The following NBAS variants were observed in gnomAD, a reference collection of about 807,000 sequenced individuals.
NBAS encodes NAG/BC035112 fusion.
In NBAS, 219 loss-of-function variants were observed where a neutral mutation model predicts 302.5. That is an observed-to-expected ratio of 0.72 (90% CI 0.65 to 0.81). NBAS has a LOEUF of 0.81. Ranked by LOEUF, NBAS falls within the 30% of genes least tolerant of loss-of-function variation. NBAS has a pLI of 0.00. For synonymous variants in NBAS, 1,118 were observed against 1,021.6 expected (o/e 1.09, Z -1.80); for missense variants, 2,932 against 2,841.6 (o/e 1.03, Z -0.72).
chr2:14,792,146 A>G, the NBAS span, among the ~76,000 whole-genome samples: 2 of 152,164 alleles, frequency 1.3e-5, no homozygotes, highest in African/African-American at 2.4e-5. Context: ...AAGAAAACCA[A>G]AATAACACTG....
chr2:14,885,078 A>G, the NBAS span, among the ~76,000 whole-genome samples: 4 of 152,222 alleles, frequency 2.6e-5, no homozygotes, highest in African/African-American at 9.6e-5. Flanking sequence ...TCCAAGTTCA[A>G]TGAGCAGTCA....
the NBAS span, among the ~76,000 whole-genome samples, chr2:15,099,458 GACCAGTGGGAGC>G: frequency 6.6e-6 from 1 of 151,830 alleles, no homozygotes; most frequent in African/African-American, 2.4e-5. Flanking sequence ...TAAGTATAGG[GACCAGTGGGAGC>G]ACAGAGGAAG....
chr2:15,404,707 T>A (rs942290269), intron 25 of NBAS, among the ~76,000 whole-genome samples: 49 of 152,026 alleles, frequency 3.2e-4, no homozygotes, highest in East Asian at 1.4e-3. Flanking sequence ...GAGATGGACT[T>A]TCACCATGTT....
rs1672105030 is a variant in NBAS, at chr2:15,327,080, G to C, written c.4582+670C>G. ...AAAGTAATAAGTAATAAAATAATAA[G>C]TGCAAGCTGTGGATAGGACTTTCAA... On this transcript the variant is annotated intron_variant, in intron 38 of 51. Transcript: ENST00000281513. Among the ~76,000 whole-genome samples the C allele has an allele frequency of 2.0e-5, 3 of 151,782 alleles. No homozygotes were observed. In the South Asian group the frequency reaches 6.3e-4, roughly 32 times the overall value.
downstream of NBAS, chr2:15,166,803 G>A: frequency 2.2e-6 from 1 of 457,772 alleles, no homozygotes; most frequent in Non-Finnish European, 3.8e-6. Flanking sequence ...AGAAAAGGCA[G>A]GTTGAAATAA....
intron 21 of NBAS, among the ~76,000 whole-genome samples, chr2:15,454,312 TAG>T (rs1275029748): frequency 6.6e-6 from 1 of 152,012 alleles, no homozygotes; most frequent in Admixed American, 6.6e-5. Context: ...TATGGAAAAA[TAG>T]AGTTTATTTC....
At chr2:15,124,352 A>C in the NBAS span, among the ~76,000 whole-genome samples, 1 of 152,196 alleles carries the variant, frequency 6.6e-6, no homozygotes. Flanking sequence ...CAGAGGAGGG[A>C]GCAAAAGAAT....
At chr2:14,840,960 A>G in the NBAS span, among the ~76,000 whole-genome samples, 1 of 152,042 alleles carries the variant, frequency 6.6e-6, no homozygotes, top group East Asian at 1.9e-4. Context: ...ACCAAAAACA[A>G]TATACCTCCA....
chr2:15,252,219 C>A (rs1352396415), intron 44 of NBAS, among the ~76,000 whole-genome samples: 1 of 152,164 alleles, frequency 6.6e-6, no homozygotes, highest in Admixed American at 6.5e-5. Flanking sequence ...GAACATAGCG[C>A]CGGGCACAGG....
chr2:15,087,849 C>G, the NBAS span, among the ~76,000 whole-genome samples: 18,621 of 152,244 alleles, frequency 0.12, 3,002 homozygotes, highest in African/African-American at 0.36. Context: ...AATATTTACT[C>G]AGCCTTTACT....
At chr2:15,205,359 C>T (rs569161859) in intron 48 of NBAS, among the ~76,000 whole-genome samples, 1 of 151,822 alleles carries the variant, frequency 6.6e-6, no homozygotes. Context: ...AAGACAACAA[C>T]ACAAAAGAAA....
intron 45 of NBAS, among the ~76,000 whole-genome samples, chr2:15,235,169 T>C (rs1252984257): frequency 1.3e-5 from 2 of 152,244 alleles, no homozygotes; most frequent in Non-Finnish European, 2.9e-5. Context: ...GCTATAACTA[T>C]GTAATCCCAG....
intron 33 of NBAS, among the ~76,000 whole-genome samples, 176 bp from the exon 34 acceptor site, chr2:15,353,886 G>A (rs144646943): frequency 2.5e-4 from 38 of 152,270 alleles, no homozygotes; most frequent in African/African-American, 7.9e-4. Context: ...GGAAAGATTA[G>A]GGTGGTTTAT....
chr2:15,044,438 T>C, the NBAS span, among the ~76,000 whole-genome samples: 1 of 152,230 alleles, frequency 6.6e-6, no homozygotes. Flanking sequence ...AACCTATTAA[T>C]GAGGTTTTTC....
At chr2:14,991,259 A>G in the NBAS span, among the ~76,000 whole-genome samples, 2 of 147,120 alleles carry the variant, frequency 1.4e-5, no homozygotes, top group Non-Finnish European at 3.0e-5. Flanking sequence ...GCAGGGAAAA[A>G]TAATTAAATT....
At position 15,167,120 on chromosome 2, in the gene NBAS, CAGA is replaced by C. The variant is rs1485416933; in HGVS notation, c.7041_7043del (p.Leu2348del). The stretch of plus-strand genomic sequence containing the variant: ...AGGCCTGGTGAGTCCCCCTCACGGC[CAGA>C]AGGAGAGACCCGGCTTCGGCTTCAT... On this transcript the variant is annotated inframe_deletion, in exon 52 of 52. Coordinates refer to ENST00000281513, the MANE Select transcript of NBAS (RefSeq NM_015909.4). 9.3e-6 allele frequency: 15 copies of C among 1,613,958 alleles called. No individual in the cohort carries two copies. Among genetic ancestry groups the C allele is most frequent in the African/African-American group, 1.3e-5 (1 of 74,944 alleles).
In NBAS at chr2:15,186,850, A is replaced by G. The variant is rs759018362; in HGVS notation, c.6603T>C (p.Ala2201=). The G allele has an allele frequency of 6.2e-7, 1 of 1,614,016 alleles. No individual in the cohort carries two copies. Reference sequence around the variant, plus strand: ...TCGTACATCTGGTTAGCATCACTGTAGCTAGTCTCACCCATGGATTATTGG... The same window carrying G: ...TCGTACATCTGGTTAGCATCACTGTGGCTAGTCTCACCCATGGATTATTGG... ...VITNNPWVRL[A]TVMLTRCTME... is the part of the protein sequence containing the mutation. The change falls in exon 50 of 52, where the codon GCT becomes GCC. Residue 2201 remains alanine (A), a synonymous_variant. Coordinates refer to ENST00000281513, the MANE Select transcript of NBAS (RefSeq NM_015909.4).
At chr2:14,929,838 CCTCT>C in the NBAS span, among the ~76,000 whole-genome samples, 1 of 152,104 alleles carries the variant, frequency 6.6e-6, no homozygotes, top group Non-Finnish European at 1.5e-5. Flanking sequence ...CTCTGTGTTC[CCTCT>C]CAAATTTCAT....
At chr2:15,035,567 T>C in the NBAS span, among the ~76,000 whole-genome samples, 6 of 152,122 alleles carry the variant, frequency 3.9e-5, no homozygotes, top group Non-Finnish European at 2.9e-5. Context: ...CTATTCACAA[T>C]AGCCAAGACA....
Sources: gnomAD v4.1 joint callset for allele counts (sites outside exome capture counted in the v4.1 genomes callset) on GRCh38, gnomAD v4.1.1 for gene constraint, MANE v1.5 for transcripts, NCBI Gene and HGNC (gene_info 2026-07-23, HGNC 2026-07-21) for gene names.